Variants in IGSF21 observed in about 807,000 individuals in gnomAD.
IGSF21 encodes the protein immunoglobulin superfamily member 21.
A neutral mutation model predicts 46.8 loss-of-function variants in IGSF21; 28 were observed. That is an observed-to-expected ratio of 0.60 (90% CI 0.44 to 0.82). The LOEUF (loss-of-function observed/expected upper bound fraction) is 0.82, where lower values mean the gene tolerates loss of function less well. Ranked by LOEUF, IGSF21 falls within the 40% of genes least tolerant of loss-of-function variation. IGSF21 has a pLI of 0.00. For missense variants in IGSF21, 624 were observed against 665.5 expected (o/e 0.94, Z 0.69); for synonymous variants, 284 against 273.6 (o/e 1.04, Z -0.38).
At chr1:18,252,057 T>TG in intron 2 of IGSF21, among the ~76,000 whole-genome samples, 2 of 137,690 alleles carry the variant, frequency 1.5e-5, no homozygotes, top group African/African-American at 5.4e-5. Flanking sequence ...TTTTTTTTTT[T>TG]TTTTTTTTTT....
At chr1:18,187,437 G>A (rs2086914497) in intron 1 of IGSF21, among the ~76,000 whole-genome samples, 1 of 152,182 alleles carries the variant, frequency 6.6e-6, no homozygotes, top group Non-Finnish European at 1.5e-5. Context: ...TAATCATGGT[G>A]GAAGGTGAAA....
At chr1:18,261,937 G>T (rs1249370234) in intron 2 of IGSF21, among the ~76,000 whole-genome samples, 1 of 152,188 alleles carries the variant, frequency 6.6e-6, no homozygotes, top group African/African-American at 2.4e-5. Flanking sequence ...GTAGCACTGG[G>T]CAGGTGGGGC....
chr1:18,267,356 A>G (rs1432437425), intron 2 of IGSF21, among the ~76,000 whole-genome samples: 1 of 152,194 alleles, frequency 6.6e-6, no homozygotes, highest in Non-Finnish European at 1.5e-5. Context: ...GAAGGTGAGC[A>G]TCAGGGTGCT....
intron 2 of IGSF21, among the ~76,000 whole-genome samples, chr1:18,260,653 G>A (rs1313957066): frequency 6.6e-6 from 1 of 152,206 alleles, no homozygotes; most frequent in African/African-American, 2.4e-5. Context: ...CCATGGAAGG[G>A]GGCAGTAACT....
intron 1 of IGSF21, among the ~76,000 whole-genome samples, chr1:18,212,754 G>A (rs61762144): frequency 0.14 from 21,288 of 152,224 alleles, 1,875 homozygotes; most frequent in South Asian, 0.19. Context: ...GGCTGTCAGG[G>A]CACCTCACAA....
chr1:18,189,543 G>A (rs2124474986), intron 1 of IGSF21, among the ~76,000 whole-genome samples: 1 of 151,996 alleles, frequency 6.6e-6, no homozygotes. Flanking sequence ...CACCATGATG[G>A]AGAATCAGTG....
chr1:18,268,906 A>G (rs1004442340), intron 2 of IGSF21, among the ~76,000 whole-genome samples: 1 of 152,182 alleles, frequency 6.6e-6, no homozygotes, highest in African/African-American at 2.4e-5. Flanking sequence ...GTTGAAACAC[A>G]TATAGGACAG....
intron 2 of IGSF21, among the ~76,000 whole-genome samples, chr1:18,263,049 CA>C (rs1436413430): frequency 3.2e-4 from 49 of 152,204 alleles, no homozygotes; most frequent in African/African-American, 1.2e-3. Flanking sequence ...CAGGATGGGG[CA>C]ATTGGCACCT....
At chr1:18,201,317 T>C (rs923958776) in intron 1 of IGSF21, among the ~76,000 whole-genome samples, 1 of 152,136 alleles carries the variant, frequency 6.6e-6, no homozygotes, top group Non-Finnish European at 1.5e-5. Flanking sequence ...GCAGACTTGA[T>C]TGTGCCAGCA....
At chr1:18,122,649 C>T (rs2086245221) in intron 1 of IGSF21, among the ~76,000 whole-genome samples, 1 of 138,114 alleles carries the variant, frequency 7.2e-6, no homozygotes, top group Non-Finnish European at 1.5e-5. Flanking sequence ...GAGATGGAGT[C>T]TCGCTCTGTC....
intron 1 of IGSF21, among the ~76,000 whole-genome samples, chr1:18,161,834 C>T (rs1425118936): frequency 6.6e-6 from 1 of 152,010 alleles, no homozygotes; most frequent in Non-Finnish European, 1.5e-5. Flanking sequence ...TGAAATCAAG[C>T]AGATGAAGCA....
chr1:18,240,134 C>T (rs2084712680), intron 2 of IGSF21, among the ~76,000 whole-genome samples: 1 of 152,066 alleles, frequency 6.6e-6, no homozygotes, highest in Non-Finnish European at 1.5e-5. Flanking sequence ...GAAAAATTAA[C>T]CAGGCATGGT....
chr1:18,255,044 G>A (rs575236161), intron 2 of IGSF21, among the ~76,000 whole-genome samples: 1 of 152,330 alleles, frequency 6.6e-6, no homozygotes, highest in South Asian at 2.1e-4. Flanking sequence ...GTGCTTTGAA[G>A]CCACAAGGTG....
At chr1:18,304,726 C>CAT (rs1553162145) in intron 3 of IGSF21, among the ~76,000 whole-genome samples, 1,528 of 29,346 alleles carry the variant, frequency 0.052, 12 homozygotes, top group Admixed American at 0.057. Flanking sequence ...CACACACACA[C>CAT]ACATACACAC....
intron 1 of IGSF21, chr1:18,110,168 G>T (rs3820278): frequency 0.017 from 2,533 of 152,438 alleles, 26 homozygotes; most frequent in East Asian, 0.049. Context: ...GCGCGGCCTC[G>T]GAGCTCCGCT....
At chr1:18,317,910 A>G (rs973070742) in intron 3 of IGSF21, among the ~76,000 whole-genome samples, 2 of 152,202 alleles carry the variant, frequency 1.3e-5, no homozygotes, top group African/African-American at 4.8e-5. Context: ...GGAGACACAG[A>G]GTGGTAGAGT....
intron 3 of IGSF21, among the ~76,000 whole-genome samples, chr1:18,314,337 T>G (rs2124587530): frequency 6.6e-6 from 1 of 152,108 alleles, no homozygotes; most frequent in African/African-American, 2.4e-5. Context: ...GGACTCTTTC[T>G]CCAACCCAGA....
chr1:18,253,115 A>G lies in IGSF21; in HGVS notation c.183+25105A>G, dbSNP rs558690708. 1.1e-4 allele frequency among the ~76,000 whole-genome samples: 16 copies of G among 152,286 alleles called. No homozygotes were observed. In the East Asian group the frequency reaches 3.1e-3, roughly 29 times the overall value. The stretch of plus-strand genomic sequence containing the variant: ...GACAAGCTTAGGAACTCACTCTACC[A>G]TAATAAATGAATGTGTCCCTCTTTC... On this transcript the variant is annotated intron_variant, in intron 2 of 9. Transcript: ENST00000251296.
intron 6 of IGSF21, among the ~76,000 whole-genome samples, chr1:18,373,290 A>G (rs751113536): frequency 4.6e-5 from 7 of 152,246 alleles, no homozygotes; most frequent in Non-Finnish European, 4.4e-5. Flanking sequence ...AGGGCTTGAG[A>G]GGCAGGAAAG....
Sources: gnomAD v4.1 joint callset for allele counts (sites outside exome capture counted in the v4.1 genomes callset) on GRCh38, gnomAD v4.1.1 for gene constraint, MANE v1.5 for transcripts, NCBI Gene and HGNC (gene_info 2026-07-23, HGNC 2026-07-21) for gene names.